CNTNAP2: variants seen among roughly 807,000 people sequenced by gnomAD.
CNTNAP2 encodes contactin-associated protein-like 2.
In CNTNAP2, 98 loss-of-function variants were observed where a neutral mutation model predicts 155.2. The observed-to-expected ratio is 0.63, with a 90% CI of 0.54 to 0.75. The LOEUF is 0.75. Among genes scored for constraint, CNTNAP2 ranks in the 30% least tolerant of loss-of-function variants. CNTNAP2 has a pLI of 0.00. For missense variants in CNTNAP2, 1,727 were observed against 1,688.1 expected (o/e 1.02, Z -0.40); for synonymous variants, 651 against 631.2 (o/e 1.03, Z -0.47).
At chr7:146,721,315 TATTCTATATATACATTCTATATAC>T (rs1554472368) in intron 1 of CNTNAP2, among the ~76,000 whole-genome samples, 14 of 117,338 alleles carry the variant, frequency 1.2e-4, no homozygotes, top group East Asian at 1.1e-3. Context: ...ATTCTATATA[TATTCTATATATACATTCTATATAC>T]ATTCTATATA....
chr7:147,777,884 A>G (rs1405332102), intron 13 of CNTNAP2, among the ~76,000 whole-genome samples: 2 of 152,302 alleles, frequency 1.3e-5, no homozygotes, highest in South Asian at 2.1e-4. Flanking sequence ...ATTTTAAATA[A>G]TACATCTTTA....
At chr7:147,879,177 G>A (rs1403033258) in intron 13 of CNTNAP2, among the ~76,000 whole-genome samples, 1 of 152,104 alleles carries the variant, frequency 6.6e-6, no homozygotes, top group Admixed American at 6.5e-5. Context: ...GATACACAGG[G>A]GATTTCCGAC....
At chr7:148,009,145 C>G (rs1007263071) in intron 15 of CNTNAP2, among the ~76,000 whole-genome samples, 1 of 152,168 alleles carries the variant, frequency 6.6e-6, no homozygotes, top group African/African-American at 2.4e-5. Flanking sequence ...TTTAATACAC[C>G]TAACCTACCA....
At chr7:147,183,806 G>A (rs142441652) in intron 8 of CNTNAP2, among the ~76,000 whole-genome samples, 256 of 152,236 alleles carry the variant, frequency 1.7e-3, no homozygotes, top group African/African-American at 5.9e-3. Flanking sequence ...TGCAGGAGGG[G>A]AATGCTACCT....
intron 8 of CNTNAP2, among the ~76,000 whole-genome samples, chr7:147,225,434 G>C (rs1029221890): frequency 2.6e-5 from 4 of 152,102 alleles, no homozygotes; most frequent in Non-Finnish European, 4.4e-5. Flanking sequence ...TGTCCCTTTC[G>C]GTGTAGGGAT....
chr7:147,387,462 C>G (rs1796642756), intron 9 of CNTNAP2, among the ~76,000 whole-genome samples: 1 of 152,026 alleles, frequency 6.6e-6, no homozygotes, highest in Non-Finnish European at 1.5e-5. Context: ...ATCAGGTGGC[C>G]CCCCAGTATC....
intron 15 of CNTNAP2, among the ~76,000 whole-genome samples, chr7:148,036,568 C>G (rs1278681367): frequency 6.6e-6 from 1 of 152,026 alleles, no homozygotes; most frequent in Admixed American, 6.6e-5. Context: ...GACACGGATG[C>G]CTTGATCTTG....
intron 21 of CNTNAP2, among the ~76,000 whole-genome samples, chr7:148,283,765 G>C (rs1170115371): frequency 1.3e-5 from 2 of 152,186 alleles, no homozygotes; most frequent in African/African-American, 2.4e-5. Context: ...TCTGTCCTGT[G>C]GAGAAAATAC....
At chr7:147,780,465 G>C (rs1191580397) in intron 13 of CNTNAP2, among the ~76,000 whole-genome samples, 1 of 151,960 alleles carries the variant, frequency 6.6e-6, no homozygotes, top group Non-Finnish European at 1.5e-5. Flanking sequence ...TACCTCTACA[G>C]ATCTACATCT....
At chr7:147,215,921 G>A (rs1211442225) in intron 8 of CNTNAP2, among the ~76,000 whole-genome samples, 2 of 152,012 alleles carry the variant, frequency 1.3e-5, no homozygotes, top group Admixed American at 6.6e-5. Flanking sequence ...GTTTTAATTT[G>A]TAGTTCCCTG....
chr7:147,508,037 C>A (rs1349612142), intron 11 of CNTNAP2, among the ~76,000 whole-genome samples: 1 of 152,138 alleles, frequency 6.6e-6, no homozygotes, highest in Non-Finnish European at 1.5e-5. Context: ...TGCACTTACC[C>A]TTACTGTCCC....
intron 13 of CNTNAP2, among the ~76,000 whole-genome samples, chr7:147,900,511 G>C (rs182036565): frequency 6.6e-6 from 1 of 152,324 alleles, no homozygotes; most frequent in African/African-American, 2.4e-5. Context: ...AAAATTGTGA[G>C]TCAGTCAAAC....
At chr7:147,603,035 G>T (rs867486960) in intron 12 of CNTNAP2, among the ~76,000 whole-genome samples, 15 of 151,936 alleles carry the variant, frequency 9.9e-5, no homozygotes, top group Admixed American at 2.6e-4. Context: ...GGTATTTCTA[G>T]TTCTAGATCC....
intron 1 of CNTNAP2, among the ~76,000 whole-genome samples, chr7:146,759,933 A>T (rs1585077331): frequency 6.6e-6 from 1 of 152,260 alleles, no homozygotes; most frequent in South Asian, 2.1e-4. Context: ...AATATATAAA[A>T]ATAAACCTTC....
intron 1 of CNTNAP2, among the ~76,000 whole-genome samples, chr7:146,730,367 C>G (rs1312424254): frequency 6.6e-6 from 1 of 152,042 alleles, no homozygotes; most frequent in Non-Finnish European, 1.5e-5. Flanking sequence ...ATTTTAAACC[C>G]CTAGGCCTTG....
At chr7:146,732,100 A>G (rs902645260) in intron 1 of CNTNAP2, among the ~76,000 whole-genome samples, 2 of 152,022 alleles carry the variant, frequency 1.3e-5, no homozygotes, top group South Asian at 2.1e-4. Flanking sequence ...ATAGATTTCT[A>G]TTTTTTTCTT....
chr7:148,053,605 C>T (rs1009614642), intron 15 of CNTNAP2, among the ~76,000 whole-genome samples: 7 of 152,158 alleles, frequency 4.6e-5, no homozygotes, highest in African/African-American at 1.7e-4. Flanking sequence ...TTTCACCGTA[C>T]TTTACCTGCT....
intron 11 of CNTNAP2, among the ~76,000 whole-genome samples, chr7:147,498,381 A>G (rs1798749740): frequency 6.6e-6 from 1 of 152,196 alleles, no homozygotes; most frequent in South Asian, 2.1e-4. Flanking sequence ...CTTTTACCAG[A>G]TAAAATGTAC....
intron 12 of CNTNAP2, among the ~76,000 whole-genome samples, chr7:147,609,332 G>A (rs901652409): frequency 6.6e-6 from 1 of 152,074 alleles, no homozygotes; most frequent in Non-Finnish European, 1.5e-5. Context: ...GAGATTGAGA[G>A]CATCCTGGCT....
Sources: allele counts gnomAD v4.1 joint callset (sites outside exome capture counted in the v4.1 genomes callset), GRCh38; gene constraint gnomAD v4.1.1; transcripts MANE v1.5; gene names NCBI Gene and HGNC (gene_info 2026-07-23, HGNC 2026-07-21).